DLC1: variants seen among roughly 807,000 people sequenced by gnomAD.
The protein encoded by DLC1 is DLC1 Rho GTPase activating protein.
DLC1 carries 54 observed loss-of-function variants against 140.3 expected under a neutral mutation model. The ratio of observed to expected loss-of-function variants is 0.38; its 90% CI spans 0.31 to 0.48. DLC1 has a LOEUF of 0.48. DLC1 is among the 20% of genes least tolerant of loss of function. The pLI is 0.96. For missense variants in DLC1, 2,536 were observed against 1,907.0 expected, an observed-to-expected ratio of 1.33 and a Z score of -6.14; for synonymous variants, 986 against 728.1, an observed-to-expected ratio of 1.35 and a Z score of -5.70.
intron 5 of DLC1, among the ~76,000 whole-genome samples, chr8:13,119,990 C>A (rs1384233555): frequency 2.9e-5 from 2 of 68,990 alleles, no homozygotes; most frequent in Non-Finnish European, 9.9e-5. Context: ...AGAGAAGGAA[C>A]AATTACTTAC....
intron 5 of DLC1, among the ~76,000 whole-genome samples, chr8:13,117,391 T>C (rs986800084): frequency 6.6e-6 from 1 of 152,106 alleles, no homozygotes; most frequent in Non-Finnish European, 1.5e-5. Flanking sequence ...GGTGGGAGGA[T>C]TGCTTCAGCT....
At chr8:13,431,347 G>A (rs763573351) in intron 2 of DLC1, among the ~76,000 whole-genome samples, 17 of 151,596 alleles carry the variant, frequency 1.1e-4, no homozygotes, top group East Asian at 1.9e-4. Flanking sequence ...GCCGGGCGAG[G>A]TGACGGGTGC....
At chr8:13,143,401 G>GA (rs1159218089) in intron 5 of DLC1, among the ~76,000 whole-genome samples, 1 of 152,142 alleles carries the variant, frequency 6.6e-6, no homozygotes, top group Non-Finnish European at 1.5e-5. Context: ...AACAAAATAT[G>GA]ACATATGTGA....
chr8:13,120,399 T>A (rs1820960637), intron 5 of DLC1, among the ~76,000 whole-genome samples: 1 of 138,816 alleles, frequency 7.2e-6, no homozygotes, highest in African/African-American at 2.6e-5. Context: ...CAAATACATA[T>A]AATATATTAT....
At chr8:13,591,514 C>G (rs994370951) in intron 1 of DLC1, among the ~76,000 whole-genome samples, 2 of 152,052 alleles carry the variant, frequency 1.3e-5, no homozygotes, top group African/African-American at 4.8e-5. Flanking sequence ...TGAGGCCTCC[C>G]TAGCCATGCA....
At chr8:13,538,611 T>C (rs1248576114) in intron 1 of DLC1, among the ~76,000 whole-genome samples, 1 of 152,130 alleles carries the variant, frequency 6.6e-6, no homozygotes, top group African/African-American at 2.4e-5. Context: ...GGTGTATCAG[T>C]GGGTGTGGCT....
chr8:13,582,054 G>A (rs1563456064), intron 1 of DLC1, among the ~76,000 whole-genome samples: 1 of 152,072 alleles, frequency 6.6e-6, no homozygotes, highest in Non-Finnish European at 1.5e-5. Flanking sequence ...AGGGATTGGA[G>A]AAAAAACAAA....
chr8:13,446,533 A>G (rs1343640748), intron 2 of DLC1, among the ~76,000 whole-genome samples: 1 of 151,686 alleles, frequency 6.6e-6, no homozygotes, highest in Non-Finnish European at 1.5e-5. Context: ...TTGTGTACAT[A>G]GAAAGAAGGA....
At position 13,313,145 on chromosome 8, in the gene DLC1, T is replaced by C. The variant is rs1234433111; in HGVS notation, c.1315-7843A>G. Among the ~76,000 whole-genome samples the C allele has an allele frequency of 2.0e-5, 3 of 152,166 alleles. No homozygotes were observed. The East Asian group carries it at 5.8e-4, about 29-fold the overall frequency. On this transcript the variant is annotated intron_variant, in intron 4 of 17. Coordinates refer to ENST00000276297, the MANE Select transcript of DLC1 (RefSeq NM_182643.3). ...ATTTTTACTTACAGCACTGTTTTCC[T>C]TAAAATGCTTTAGTGATTCTCTTTC... is the stretch of plus-strand genomic sequence containing the variant.
chr8:13,535,284 G>T (rs931701337), intron 1 of DLC1, among the ~76,000 whole-genome samples: 1 of 152,036 alleles, frequency 6.6e-6, no homozygotes, highest in Non-Finnish European at 1.5e-5. Flanking sequence ...TTGTCAGGAA[G>T]GAAGGCCTCT....
chr8:13,328,469 G>A (rs949234931), intron 4 of DLC1, among the ~76,000 whole-genome samples: 1 of 152,182 alleles, frequency 6.6e-6, no homozygotes, highest in African/African-American at 2.4e-5. Flanking sequence ...GAAGATGAAA[G>A]TACCATCTAT....
chr8:13,210,273 C>T (rs1827875057), intron 5 of DLC1, among the ~76,000 whole-genome samples: 1 of 152,092 alleles, frequency 6.6e-6, no homozygotes, highest in Non-Finnish European at 1.5e-5. Flanking sequence ...TTTCCCACCT[C>T]CGCTCTCAAT....
chr8:13,369,222 T>C (rs1052335330), intron 4 of DLC1, among the ~76,000 whole-genome samples: 6 of 152,142 alleles, frequency 3.9e-5, no homozygotes, highest in African/African-American at 1.4e-4. Flanking sequence ...GTCTTAACCT[T>C]CTGTCTCTCT....
chr8:13,382,026 T>G (rs1002664078), intron 4 of DLC1, among the ~76,000 whole-genome samples: 1 of 151,966 alleles, frequency 6.6e-6, no homozygotes, highest in Admixed American at 6.6e-5. Context: ...AGTGAAAGGT[T>G]AAAGAAAAAT....
intron 5 of DLC1, among the ~76,000 whole-genome samples, chr8:13,170,456 C>T (rs566689733): frequency 1.3e-4 from 20 of 152,220 alleles, no homozygotes; most frequent in East Asian, 1.2e-3. Flanking sequence ...CCGGGCCGGG[C>T]GCGGTGGCTC....
At chr8:13,358,035 G>T (rs1323782147) in intron 4 of DLC1, among the ~76,000 whole-genome samples, 1 of 151,980 alleles carries the variant, frequency 6.6e-6, no homozygotes, top group Non-Finnish European at 1.5e-5. Context: ...TAAAATTAGG[G>T]TATTATCTTC....
intron 2 of DLC1, among the ~76,000 whole-genome samples, chr8:13,462,215 A>G (rs1184635078): frequency 1.3e-5 from 2 of 152,124 alleles, no homozygotes; most frequent in African/African-American, 4.8e-5. Flanking sequence ...AAACTCATTC[A>G]AGAAAATTTT....
chr8:13,266,129 A>T (rs1830680955), intron 5 of DLC1, among the ~76,000 whole-genome samples: 1 of 152,248 alleles, frequency 6.6e-6, no homozygotes, highest in South Asian at 2.1e-4. Flanking sequence ...CAAAAAAAGG[A>T]AGAAAAAAAA....
chr8:13,205,690 C>T (rs758465814), intron 5 of DLC1, among the ~76,000 whole-genome samples: 26 of 152,094 alleles, frequency 1.7e-4, no homozygotes, highest in Admixed American at 7.2e-4. Context: ...TCAAAGCTGT[C>T]TTGGGATGCA....
Sources: allele counts gnomAD v4.1 joint callset (sites outside exome capture counted in the v4.1 genomes callset), GRCh38; gene constraint gnomAD v4.1.1; transcripts MANE v1.5; gene names NCBI Gene and HGNC (gene_info 2026-07-23, HGNC 2026-07-21).